The following ZFAND1 variants were observed in gnomAD, a reference collection of about 807,000 sequenced individuals.
The protein encoded by ZFAND1 is AN1-type zinc finger protein 1.
A neutral mutation model predicts 38.5 loss-of-function variants in ZFAND1; 40 were observed. That is an observed-to-expected ratio of 1.04 (90% CI 0.81 to 1.35). The LOEUF is 1.35. Among genes scored for constraint, ZFAND1 ranks in the 40% most tolerant of loss-of-function variants. The probability of loss-of-function intolerance (pLI) is 0.00; values close to 1 mark genes in which losing one functional copy is unlikely to be tolerated. For synonymous variants in ZFAND1, 117 were observed against 103.6 expected, an observed-to-expected ratio of 1.13 and a Z score of -0.78; for missense variants, 346 against 316.3, an observed-to-expected ratio of 1.09 and a Z score of -0.71.
chr8:81,715,363 C>T (rs1483643203), intron 3 of ZFAND1, among the ~76,000 whole-genome samples: 2 of 152,124 alleles, frequency 1.3e-5, no homozygotes, highest in African/African-American at 4.8e-5. Flanking sequence ...TTTAATTACG[C>T]TCTATAATTT....
At chr8:81,709,789 G>A (rs1808084656) in intron 6 of ZFAND1, among the ~76,000 whole-genome samples, 1 of 152,144 alleles carries the variant, frequency 6.6e-6, no homozygotes, top group Non-Finnish European at 1.5e-5. Flanking sequence ...GATGGTTTGT[G>A]AAACCAGACT....
At chr8:81,708,796 T>G in intron 6 of ZFAND1, 1 of 1,263,378 alleles carries the variant, frequency 7.9e-7, no homozygotes, top group Non-Finnish European at 1.0e-6. Context: ...ACCAAGTTAG[T>G]GCTCTTAAAA....
chr8:81,720,498 G>C (rs1409478102), intron 1 of ZFAND1, among the ~76,000 whole-genome samples: 2 of 152,296 alleles, frequency 1.3e-5, no homozygotes, highest in African/African-American at 4.8e-5. Context: ...ACAGAGCTGG[G>C]AGAGCATGAT....
chr8:81,705,696 A>C (rs1807957532), intron 6 of ZFAND1, among the ~76,000 whole-genome samples: 1 of 152,214 alleles, frequency 6.6e-6, no homozygotes, highest in African/African-American at 2.4e-5. Flanking sequence ...TGAGGTGGGC[A>C]GATCACTTGA....
intron 6 of ZFAND1, among the ~76,000 whole-genome samples, chr8:81,706,517 T>G (rs919649325): frequency 6.6e-6 from 1 of 151,682 alleles, no homozygotes; most frequent in African/African-American, 2.4e-5. Context: ...GAGGATATAA[T>G]ACCAACTAAC....
chr8:81,719,854 C>T (rs1455341585), intron 1 of ZFAND1, among the ~76,000 whole-genome samples: 1 of 152,188 alleles, frequency 6.6e-6, no homozygotes, highest in African/African-American at 2.4e-5. Context: ...ATTGGACTCA[C>T]TAGCGAAGGA....
Position 81,702,830 on chromosome 8 carries a change from G to C in ZFAND1, c.672C>G (p.Ala224=). Residue 224 remains alanine (A), a synonymous_variant, in exon 8 of 8, where the codon GCC becomes GCG. Transcript: ENST00000220669. ...LRLCHITSGE[A]LPLDHTLETW... ...TTTCCAAAGTATGATCCAAGGGTAA[G>C]GCTTCTCCTGAAGTAATGTGACACA... is the stretch of plus-strand genomic sequence containing the variant. 1 of 1,603,644 alleles carries C rather than the reference G, an allele frequency of 6.2e-7. No homozygotes were observed. The highest frequency in any genetic ancestry group is 8.5e-7 in the Non-Finnish European group (1 of 1,176,036).
chr8:81,706,195 C>T (rs1485994007), intron 6 of ZFAND1, among the ~76,000 whole-genome samples: 1 of 151,232 alleles, frequency 6.6e-6, no homozygotes, highest in African/African-American at 2.4e-5. Context: ...TAATAGATGA[C>T]AAAGTATATT....
chr8:81,713,015 T>C (rs898424986), intron 6 of ZFAND1, among the ~76,000 whole-genome samples: 1 of 152,190 alleles, frequency 6.6e-6, no homozygotes, highest in African/African-American at 2.4e-5. Flanking sequence ...TATTTCTAGG[T>C]ATATTCCCTA....
At chr8:81,708,294 A>T (rs1808041453) in intron 6 of ZFAND1, among the ~76,000 whole-genome samples, 1 of 151,594 alleles carries the variant, frequency 6.6e-6, no homozygotes, top group Non-Finnish European at 1.5e-5. Flanking sequence ...AAACAAACAT[A>T]CCCACAAAAC....
intron 6 of ZFAND1, among the ~76,000 whole-genome samples, chr8:81,713,267 C>G (rs367823800): frequency 0.57 from 85,735 of 151,256 alleles, 24,729 homozygotes; most frequent in Admixed American, 0.62. Flanking sequence ...GGACTACAGG[C>G]GCCCACCACC....
intron 6 of ZFAND1, chr8:81,708,960 A>G (rs910601515): frequency 7.3e-6 from 2 of 274,352 alleles, no homozygotes; most frequent in South Asian, 8.5e-5. Flanking sequence ...TGTGAATTGT[A>G]ATTTCTTTGT....
At chr8:81,717,761 C>T (rs1052337120) in intron 2 of ZFAND1, among the ~76,000 whole-genome samples, 2 of 151,966 alleles carry the variant, frequency 1.3e-5, no homozygotes, top group Admixed American at 6.5e-5. Flanking sequence ...AAGGAAAATC[C>T]ATTTTCCAAA....
At chr8:81,718,675 ATATATT>A (rs1808383329) in intron 1 of ZFAND1, among the ~76,000 whole-genome samples, 1 of 149,348 alleles carries the variant, frequency 6.7e-6, no homozygotes, top group African/African-American at 2.4e-5. Context: ...CAATAAATAT[ATATATT>A]TATATCTGTG....
At chr8:81,704,817 T>C (rs1333017572) in intron 6 of ZFAND1, among the ~76,000 whole-genome samples, 1 of 151,898 alleles carries the variant, frequency 6.6e-6, no homozygotes, top group East Asian at 1.9e-4. Flanking sequence ...AGGTAACGAG[T>C]ATTAAAAGAA....
rs1807844217 is a variant in ZFAND1, at chr8:81,702,640, A to C, written c.*55T>G. The stretch of plus-strand genomic sequence containing the variant: ...ATAGTATTTGTAGTAAAATAAATGG[A>C]CTTAAACATGTAATAGAATTTTCCC... On this transcript the variant is annotated 3_prime_UTR_variant, in exon 8 of 8. Transcript: ENST00000220669. 7.4e-7 allele frequency: 1 copy of C among 1,343,558 alleles called. No individual in the cohort carries two copies. Among genetic ancestry groups the C allele is most frequent in the Non-Finnish European group, 9.8e-7 (1 of 1,018,814 alleles). 83.2% of individuals were successfully genotyped at this position (1,343,558 alleles called of 1,614,324 possible). A position where few individuals can be genotyped will look rare whatever the true frequency, so the allele number is the denominator to read the frequency against.
Position 81,715,024 on chromosome 8 carries a change from C to T in ZFAND1, c.229G>A (p.Val77Ile). The stretch of plus-strand genomic sequence containing the variant: ...TTCTTCTCACAATAAGGACATATAA[C>T]TGCCACAAGTTCTCTCTCAGCACAG... ...KDCAERELVAVICPYCEKNFC... is the reference protein window; with the variant it reads ...KDCAERELVAIICPYCEKNFC... The change falls in exon 4 of 8, where the codon GTT becomes ATT. Residue 77 changes from valine to isoleucine, a missense_variant. By Grantham distance (29) the Val-to-Ile change is conservative (BLOSUM62 3). Coordinates refer to ENST00000220669, the MANE Select transcript of ZFAND1 (RefSeq NM_024699.3). 1 of 1,614,104 alleles carries T rather than the reference C, an allele frequency of 6.2e-7. No individual in the cohort carries two copies. The highest frequency in any genetic ancestry group is 8.5e-7 in the Non-Finnish European group (1 of 1,179,986).
At chr8:81,704,671 T>A (rs1355373465) in intron 6 of ZFAND1, among the ~76,000 whole-genome samples, 5 of 151,966 alleles carry the variant, frequency 3.3e-5, no homozygotes, top group Non-Finnish European at 1.5e-5. Context: ...AAAACAAAAA[T>A]TTTGGCATAA....
rs1808252477 is a variant in ZFAND1 at position 81,714,847 on chromosome 8, C to T, written c.315G>A (p.Lys105=). The change falls in exon 5 of 8, where the codon AAG becomes AAA. Residue 105 remains lysine (K), a synonymous_variant. Coordinates refer to ENST00000220669, the MANE Select transcript of ZFAND1 (RefSeq NM_024699.3). ...GTTTCTGAGTGGCAGCCATTCGAGG[C>T]TTTGGGATTTCCAGTTTTTCACACT... ...DHECEKLEIP[K]PRMAATQKLV... 6.2e-7 allele frequency: 1 copy of T among 1,614,036 alleles called. No individual in the cohort carries two copies. The highest frequency in any genetic ancestry group is 8.5e-7 in the Non-Finnish European group (1 of 1,179,928).
Sources: allele counts gnomAD v4.1 joint callset (sites outside exome capture counted in the v4.1 genomes callset), GRCh38; gene constraint gnomAD v4.1.1; transcripts MANE v1.5; gene names NCBI Gene and HGNC (gene_info 2026-07-23, HGNC 2026-07-21).